SAMMSON: variants seen among roughly 807,000 people sequenced by gnomAD.
SAMMSON encodes the protein survival associated mitochondrial melanoma specific oncogenic non-coding RNA.
At chr3:70,420,754 C>A (rs2106774150) in intron 2 of SAMMSON, among the ~76,000 whole-genome samples, 1 of 152,170 alleles carries the variant, frequency 6.6e-6, no homozygotes, top group East Asian at 1.9e-4. Context: ...GGTTTATTTT[C>A]CTCATTGAGC....
chr3:70,025,928 A>G (rs1321035781), intron 3 of SAMMSON, among the ~76,000 whole-genome samples: 2 of 152,124 alleles, frequency 1.3e-5, no homozygotes, highest in Non-Finnish European at 1.5e-5. Context: ...TCATCTTCAT[A>G]TTGAGTAGGC....
chr3:70,074,172 T>G (rs927132424), intron 4 of SAMMSON, among the ~76,000 whole-genome samples: 4 of 152,078 alleles, frequency 2.6e-5, no homozygotes, highest in Non-Finnish European at 4.4e-5. Flanking sequence ...AATTCTTATG[T>G]TTTGTTTTGC....
chr3:70,064,957 A>G (rs185607534), intron 3 of SAMMSON, among the ~76,000 whole-genome samples: 6 of 152,196 alleles, frequency 3.9e-5, no homozygotes, highest in Admixed American at 1.3e-4. Context: ...TAATCTTCTC[A>G]TTATTATTAT....
chr3:70,123,238 A>G (rs2067442602), intron 4 of SAMMSON, among the ~76,000 whole-genome samples: 2 of 152,150 alleles, frequency 1.3e-5, no homozygotes, highest in South Asian at 4.1e-4. Flanking sequence ...CCTCTATATT[A>G]GATCATGCCT....
intron 4 of SAMMSON, among the ~76,000 whole-genome samples, chr3:70,092,909 T>TTG (rs1553714621): frequency 1.3e-5 from 2 of 150,786 alleles, no homozygotes; most frequent in Admixed American, 1.3e-4. Context: ...TTTGTTTTTT[T>TTG]TTTTTTGTTT....
intron 6 of SAMMSON, among the ~76,000 whole-genome samples, chr3:70,274,303 T>G (rs1351354297): frequency 6.6e-6 from 1 of 152,004 alleles, no homozygotes; most frequent in Non-Finnish European, 1.5e-5. Context: ...GCAGATAAAT[T>G]ATCACTTATG....
chr3:70,241,718 C>A (rs756454549), intron 4 of SAMMSON, among the ~76,000 whole-genome samples: 2 of 152,106 alleles, frequency 1.3e-5, no homozygotes, highest in Non-Finnish European at 2.9e-5. Flanking sequence ...CTAAACATTG[C>A]GGCTACTAAG....
chr3:70,286,557 T>C (rs992667110), intron 6 of SAMMSON, among the ~76,000 whole-genome samples: 9 of 151,652 alleles, frequency 5.9e-5, no homozygotes, highest in African/African-American at 1.2e-4. Context: ...TTTTTGGTTC[T>C]ATATGAACTT....
chr3:70,343,450 G>A (rs1702726926), intron 7 of SAMMSON, among the ~76,000 whole-genome samples: 1 of 152,016 alleles, frequency 6.6e-6, no homozygotes, highest in South Asian at 2.1e-4. Flanking sequence ...AAGGACTTCT[G>A]GTTAGGTATT....
At chr3:70,110,070 C>T (rs34030591) in intron 4 of SAMMSON, among the ~76,000 whole-genome samples, 202 of 152,308 alleles carry the variant, frequency 1.3e-3, no homozygotes, top group Middle Eastern at 3.4e-3. Context: ...CCACAGGGTG[C>T]TGTAGGAGAG....
At chr3:70,376,963 T>A (rs1703022238) in intron 9 of SAMMSON, among the ~76,000 whole-genome samples, 1 of 152,146 alleles carries the variant, frequency 6.6e-6, no homozygotes, top group South Asian at 2.1e-4. Flanking sequence ...GCAGAAATAT[T>A]CTTATTCAAA....
At chr3:70,026,222 G>A (rs2067036521) in intron 3 of SAMMSON, among the ~76,000 whole-genome samples, 1 of 152,132 alleles carries the variant, frequency 6.6e-6, no homozygotes, top group African/African-American at 2.4e-5. Context: ...TCCAGACATT[G>A]AATATATTCT....
chr3:70,398,475 A>G (rs920594738), intron 2 of SAMMSON, among the ~76,000 whole-genome samples: 1 of 152,230 alleles, frequency 6.6e-6, no homozygotes, highest in African/African-American at 2.4e-5. Context: ...AACAACCCAA[A>G]TAAACATAGC....
intron 9 of SAMMSON, among the ~76,000 whole-genome samples, chr3:70,385,887 T>G (rs1485652387): frequency 6.6e-6 from 1 of 152,082 alleles, no homozygotes; most frequent in Non-Finnish European, 1.5e-5. Flanking sequence ...TTAACAAGTG[T>G]CAGATAATGC....
intron 4 of SAMMSON, among the ~76,000 whole-genome samples, chr3:70,088,045 C>T (rs942089899): frequency 1.3e-5 from 2 of 152,116 alleles, no homozygotes; most frequent in African/African-American, 4.8e-5. Flanking sequence ...ACTAATGATA[C>T]AAGCATTTGC....
At chr3:70,041,092 C>T (rs1456943528) in intron 3 of SAMMSON, among the ~76,000 whole-genome samples, 1 of 151,978 alleles carries the variant, frequency 6.6e-6, no homozygotes, top group Non-Finnish European at 1.5e-5. Flanking sequence ...TGGTAAGGCT[C>T]CAATTTATTT....
intron 4 of SAMMSON, among the ~76,000 whole-genome samples, chr3:70,219,539 G>A (rs1701443315): frequency 6.6e-6 from 1 of 152,090 alleles, no homozygotes; most frequent in Admixed American, 6.6e-5. Flanking sequence ...GCAAGAATAA[G>A]TTTGTAAAGA....
intron 4 of SAMMSON, among the ~76,000 whole-genome samples, chr3:70,210,100 A>T (rs1312952177): frequency 6.6e-6 from 1 of 152,108 alleles, no homozygotes; most frequent in Non-Finnish European, 1.5e-5. Flanking sequence ...AACAAAAAAA[A>T]GTTGGATAGA....
intron 9 of SAMMSON, among the ~76,000 whole-genome samples, chr3:70,369,567 T>C (rs926325663): frequency 6.6e-6 from 1 of 151,530 alleles, no homozygotes; most frequent in African/African-American, 2.4e-5. Flanking sequence ...ATCTATGATG[T>C]TGAATAAGAG....
Sources: allele counts gnomAD v4.1 joint callset (sites outside exome capture counted in the v4.1 genomes callset), GRCh38; gene constraint gnomAD v4.1.1; transcripts MANE v1.5; gene names NCBI Gene and HGNC (gene_info 2026-07-23, HGNC 2026-07-21).